Variants in KCNQ1 observed in about 807,000 individuals in gnomAD.
KCNQ1 encodes potassium voltage-gated channel subfamily Q member 1.
KCNQ1 carries 49 observed loss-of-function variants against 72.4 expected under a neutral mutation model. That is an observed-to-expected ratio of 0.68 (90% CI 0.54 to 0.86). KCNQ1 has a LOEUF of 0.86. KCNQ1 is among the 40% of genes least tolerant of loss of function. The pLI is 0.00. For synonymous variants in KCNQ1, 450 were observed against 412.6 expected (o/e 1.09, Z -1.10); for missense variants, 790 against 945.1 (o/e 0.84, Z 2.15).
At chr11:2,839,342 C>T (rs1184511596) in intron 15 of KCNQ1, among the ~76,000 whole-genome samples, 1 of 152,248 alleles carries the variant, frequency 6.6e-6, no homozygotes, top group Non-Finnish European at 1.5e-5. Flanking sequence ...TCCATGACCT[C>T]TGTCCCCACC....
In KCNQ1 at chr11:2,645,075, G is replaced by C; in HGVS notation, c.1394-16886G>C. On this transcript the variant is annotated intron_variant, in intron 10 of 15. Coordinates refer to ENST00000155840, the MANE Select transcript of KCNQ1 (RefSeq NM_000218.3). This position sits in a 1 kb window ranked among gnomAD's most constrained non-coding sequence, Gnocchi z 5.8. ...CCAATGATGACAGAGCTGGGCCACA[G>C]GGTGGGTAGGTCCTTGAGCTCTGAG... 1 of 398,764 alleles carries C rather than the reference G, an allele frequency of 2.5e-6. No individual in the cohort carries two copies. Among genetic ancestry groups the C allele is most frequent in the East Asian group, 3.6e-5 (1 of 28,080 alleles). The allele number at this position is 398,764 out of a possible 1,614,324, so 24.7% of individuals were successfully genotyped here. A position where few individuals can be genotyped will look rare whatever the true frequency, so the allele number is the denominator to read the frequency against.
rs747638325 is a variant in KCNQ1 at position 2,461,753 on chromosome 11, G to A, written c.386+16269G>A. 2.9e-6 allele frequency: 4 copies of A among 1,361,098 alleles called. No homozygotes were observed. The Admixed American group carries it at 7.7e-5, about 26-fold the overall frequency. 84.3% of individuals were successfully genotyped at this position (1,361,098 alleles called of 1,614,324 possible). On this transcript the variant is annotated intron_variant, in intron 1 of 15. Transcript: ENST00000155840. ...GGGTGGACAGATAGGCAGAGGAAGG[G>A]ATGGGCAGGTGGATGGGGGGCTGAA...
intron 6 of KCNQ1, among the ~76,000 whole-genome samples, chr11:2,581,086 A>T (rs1440545537): frequency 6.6e-6 from 1 of 152,170 alleles, no homozygotes; most frequent in African/African-American, 2.4e-5. Context: ...CCCCCCAAAA[A>T]ATCTGGATTA....
rs1438668260 is a variant in KCNQ1 at position 2,724,432 on chromosome 11, C to T, written c.1515-44412C>T. Among the ~76,000 whole-genome samples, 2 of 152,146 alleles carry T rather than the reference C, an allele frequency of 1.3e-5. No homozygotes were observed. Among genetic ancestry groups the T allele is most frequent in the Admixed American group, 1.3e-4 (2 of 15,288 alleles). On this transcript the variant is annotated intron_variant, in intron 11 of 15. Coordinates refer to ENST00000155840, the MANE Select transcript of KCNQ1 (RefSeq NM_000218.3). This position sits in a 1 kb window ranked among gnomAD's most constrained non-coding sequence, Gnocchi z 6.8. ...GCCAGCCCTAGGCCTCGAACCCTCC[C>T]TGGCAAGCTAACACTGCCCTTGGAG...
At chr11:2,706,114 T>C (rs1415215605) in intron 11 of KCNQ1, among the ~76,000 whole-genome samples, 3 of 152,242 alleles carry the variant, frequency 2.0e-5, no homozygotes, top group African/African-American at 7.2e-5. Flanking sequence ...AGTATGTGTC[T>C]ACAAGGCCTT....
rs1850575100 is a variant in KCNQ1 at position 2,690,767 on chromosome 11, G to A, written c.1514+28686G>A. 2 of 398,640 alleles carry A rather than the reference G, an allele frequency of 5.0e-6. No individual in the cohort carries two copies. Among genetic ancestry groups the A allele is most frequent in the Non-Finnish European group, 8.8e-6 (2 of 226,072 alleles). The allele number at this position is 398,640 out of a possible 1,614,324, so 24.7% of individuals were successfully genotyped here. On this transcript the variant is annotated intron_variant, in intron 11 of 15. Coordinates refer to ENST00000155840, the MANE Select transcript of KCNQ1 (RefSeq NM_000218.3). This position sits in a 1 kb window ranked among gnomAD's most constrained non-coding sequence, Gnocchi z 5.1. ...ATCCCAAATCCCTTAGGTGGATGTGGCCTGGCAGGGGGTCAGCAGGAGGGA... is the reference window on the plus strand; with the variant it reads ...ATCCCAAATCCCTTAGGTGGATGTGACCTGGCAGGGGGTCAGCAGGAGGGA...
Position 2,471,628 on chromosome 11 carries a change from A to G in KCNQ1, c.386+26144A>G, listed in dbSNP as rs1006752763. Among the ~76,000 whole-genome samples the G allele has an allele frequency of 6.7e-6, 1 of 148,282 alleles. No individual in the cohort carries two copies. Among genetic ancestry groups the G allele is most frequent in the South Asian group, 2.2e-4 (1 of 4,614 alleles). ...CCTGTGTATATGGGTGTGTGCACGTATGCACGGATGTGTGTACACATGTGT... is the reference window on the plus strand; with the variant it reads ...CCTGTGTATATGGGTGTGTGCACGTGTGCACGGATGTGTGTACACATGTGT... On this transcript the variant is annotated intron_variant, in intron 1 of 15. Coordinates refer to ENST00000155840, the MANE Select transcript of KCNQ1 (RefSeq NM_000218.3). This position sits in a 1 kb window ranked among gnomAD's most constrained non-coding sequence, Gnocchi z 4.8.
chr11:2,586,226 C>T (rs1848590058), intron 8 of KCNQ1, among the ~76,000 whole-genome samples: 2 of 152,192 alleles, frequency 1.3e-5, no homozygotes, highest in African/African-American at 2.4e-5. Flanking sequence ...GGGCAGCCCC[C>T]GCTGGCTGGC....
rs1043518078 is a variant in KCNQ1, at chr11:2,646,835, G to C, written c.1394-15126G>C. The stretch of plus-strand genomic sequence containing the variant: ...CCACACCTACTAATTTTTGTTTGTT[G>C]ATTTTTTTATCCTGCAACTTTATTG... On this transcript the variant is annotated intron_variant, in intron 10 of 15. Coordinates refer to ENST00000155840, the MANE Select transcript of KCNQ1 (RefSeq NM_000218.3). The C allele has an allele frequency of 1.8e-5, 7 of 398,478 alleles. No homozygotes were observed. The East Asian group carries it at 2.5e-4, about 14-fold the overall frequency. The allele number at this position is 398,478 out of a possible 1,614,324, so 24.7% of individuals were successfully genotyped here. A position where few individuals can be genotyped will look rare whatever the true frequency, so the allele number is the denominator to read the frequency against.
rs532042426 is a variant in KCNQ1 at position 2,471,830 on chromosome 11, G to A, written c.386+26346G>A. ...GGTGTGTGTGCACGTGTATGGGTGC[G>A]TGTGCACCTATGTGTGTATAGGTGT... is the stretch of plus-strand genomic sequence containing the variant. On this transcript the variant is annotated intron_variant, in intron 1 of 15. Transcript: ENST00000155840. The surrounding 1 kb of genome is among the most constrained non-coding windows in gnomAD (Gnocchi z 4.8). 3.8e-3 allele frequency among the ~76,000 whole-genome samples: 571 copies of A among 152,106 alleles called. 3 individuals are homozygous for A. The highest frequency in any genetic ancestry group is 0.013 in the African/African-American group (528 of 41,472).
chr11:2,481,553 C>T lies in KCNQ1; in HGVS notation c.386+36069C>T, dbSNP rs1458874209. ...AGTCCATGGCCTGTTAGGAACCAGGCTGCACAGCAGGAGGTGAGTGGCAGG... is the reference window on the plus strand; with the variant it reads ...AGTCCATGGCCTGTTAGGAACCAGGTTGCACAGCAGGAGGTGAGTGGCAGG... On this transcript the variant is annotated intron_variant, in intron 1 of 15. Transcript: ENST00000155840. This position sits in a 1 kb window ranked among gnomAD's most constrained non-coding sequence, Gnocchi z 4.6. Among the ~76,000 whole-genome samples the T allele has an allele frequency of 2.0e-5, 3 of 152,204 alleles. No individual in the cohort carries two copies. Among genetic ancestry groups the T allele is most frequent in the Non-Finnish European group, 4.4e-5 (3 of 68,034 alleles).
In KCNQ1 at chr11:2,462,253, G is replaced by C. The variant is rs1164728607; in HGVS notation, c.386+16769G>C. Among the ~76,000 whole-genome samples, 5 of 152,192 alleles carry C rather than the reference G, an allele frequency of 3.3e-5. No individual in the cohort carries two copies. The highest frequency in any genetic ancestry group is 1.2e-4 in the African/African-American group (5 of 41,448). On this transcript the variant is annotated intron_variant, in intron 1 of 15. Coordinates refer to ENST00000155840, the MANE Select transcript of KCNQ1 (RefSeq NM_000218.3). The surrounding 1 kb of genome is among the most constrained non-coding windows in gnomAD (Gnocchi z 8.2). ...TTCTTGGGGCTGCCAGGCCTGCAAGGTAGACAGGCCTCTGGACTTGAGTGT... is the reference window on the plus strand; with the variant it reads ...TTCTTGGGGCTGCCAGGCCTGCAAGCTAGACAGGCCTCTGGACTTGAGTGT...
At position 2,768,956 on chromosome 11, in the gene KCNQ1, C is replaced by A. The variant is rs752728475; in HGVS notation, c.1590+37C>A. The A allele has an allele frequency of 1.2e-5, 18 of 1,520,746 alleles. No homozygotes were observed. In the Admixed American group the frequency reaches 3.0e-4, roughly 25 times the overall value. 94.2% of individuals were successfully genotyped at this position (1,520,746 alleles called of 1,614,324 possible). A position where few individuals can be genotyped will look rare whatever the true frequency, so the allele number is the denominator to read the frequency against. ...GCTGAGCCTTCCTGCCCTCAGCCTG[C>A]CCCTCGCAGCCTGATGCAGCTGCCC... On this transcript the variant is annotated intron_variant, in intron 12 of 15. Coordinates refer to ENST00000155840, the MANE Select transcript of KCNQ1 (RefSeq NM_000218.3). This position sits in a 1 kb window ranked among gnomAD's most constrained non-coding sequence, Gnocchi z 6.7.
At position 2,447,805 on chromosome 11, in the gene KCNQ1, G is replaced by C. The variant is rs1403682426; in HGVS notation, c.386+2321G>C. Among the ~76,000 whole-genome samples the C allele has an allele frequency of 6.6e-6, 1 of 152,222 alleles. No individual in the cohort carries two copies. Among genetic ancestry groups the C allele is most frequent in the East Asian group, 1.9e-4 (1 of 5,192 alleles). On this transcript the variant is annotated intron_variant, in intron 1 of 15. Transcript: ENST00000155840. The surrounding 1 kb of genome is among the most constrained non-coding windows in gnomAD (Gnocchi z 7.6). The stretch of plus-strand genomic sequence containing the variant: ...GAGCCAGGGCCCAGGCATGTGTGCA[G>C]GGGGGTTGAGGCAGGAGCCGGTGTT...
rs794728575 is a variant in KCNQ1, at chr11:2,777,006, A to G, written c.1706A>G (p.Lys569Arg). Residue 569 changes from lysine to arginine, a missense_variant, in exon 14 of 16, where the codon AAG becomes AGG. By Grantham distance (26) the Lys-to-Arg change is conservative. Around this residue, in one of 5 missense-constraint regions of KCNQ1, gnomAD observed 91 missense variants for 139.1 expected, o/e 0.65. Coordinates refer to ENST00000155840, the MANE Select transcript of KCNQ1 (RefSeq NM_000218.3). ...TCCAGGCTGGACCAGTCCATTGGGA[A>G]GCCCTCACTGTTCATCTCCGTCTCA... is the stretch of plus-strand genomic sequence containing the variant. Reference protein sequence around the residue: ...LQRRLDQSIGKPSLFISVSEK... With the variant: ...LQRRLDQSIGRPSLFISVSEK... The G allele has an allele frequency of 1.2e-6, 2 of 1,614,106 alleles. No individual in the cohort carries two copies. Among genetic ancestry groups the G allele is most frequent in the Non-Finnish European group, 1.7e-6 (2 of 1,180,000 alleles).
At chr11:2,643,007 G>A in intron 10 of KCNQ1, 1 of 397,560 alleles carries the variant, frequency 2.5e-6, no homozygotes, top group Non-Finnish European at 4.4e-6. Flanking sequence ...ATGCTATTGT[G>A]GTCTGAGAAG....
chr11:2,650,418 T>G, intron 10 of KCNQ1: 1 of 398,654 alleles, frequency 2.5e-6, no homozygotes, highest in East Asian at 3.6e-5. Flanking sequence ...TAAGGACTTT[T>G]CCTGTACACG....
At position 2,570,748 on chromosome 11, in the gene KCNQ1, A is replaced by C; in HGVS notation, c.598A>C (p.Ile200Leu). 1 of 1,610,832 alleles carries C rather than the reference A, an allele frequency of 6.2e-7. No homozygotes were observed. The highest frequency in any genetic ancestry group is 2.2e-5 in the East Asian group (1 of 44,870). Reference protein sequence around the residue: ...RLRFARKPISIIDLIVVVASM... With the variant: ...RLRFARKPISLIDLIVVVASM... Reference sequence around the variant, plus strand: ...GCGCTTTGCCCGGAAGCCCATTTCCATCATCGGTGAGTCATGCCTGCCCTG... The same window carrying C: ...GCGCTTTGCCCGGAAGCCCATTTCCCTCATCGGTGAGTCATGCCTGCCCTG... Residue 200 changes from isoleucine to leucine, a missense_variant, in exon 3 of 16, where the codon ATC becomes CTC. Ile to Leu is a conservative substitution (Grantham distance 5, BLOSUM62 2). Transcript: ENST00000155840.
At chr11:2,449,671 T>C (rs774817310) in intron 1 of KCNQ1, among the ~76,000 whole-genome samples, 47 of 152,140 alleles carry the variant, frequency 3.1e-4, no homozygotes, top group Non-Finnish European at 6.0e-4. Context: ...TGGGGGCAGC[T>C]GAGATGGGCA....
Sources: gnomAD v4.1 joint callset for allele counts (sites outside exome capture counted in the v4.1 genomes callset) on GRCh38, gnomAD v4.1.1 for gene constraint, gnomAD v4.1.1 regional missense constraint, Gnocchi (gnomAD v3.1) non-coding constraint, MANE v1.5 for transcripts, NCBI Gene and HGNC (gene_info 2026-07-23, HGNC 2026-07-21) for gene names.